Variants in ZNF827 observed in about 807,000 individuals in gnomAD.
ZNF827 encodes zinc finger protein 827.
A neutral mutation model predicts 102.4 loss-of-function variants in ZNF827; 13 were observed. The observed-to-expected ratio is 0.13, with a 90% CI of 0.08 to 0.20. The LOEUF is 0.20. Among genes scored for constraint, ZNF827 ranks in the 10% least tolerant of loss-of-function variants. The pLI, the probability that ZNF827 is intolerant of heterozygous loss-of-function variation, is 1.00. For synonymous variants in ZNF827, 523 were observed against 536.2 expected (o/e 0.98, Z 0.34); for missense variants, 1,103 against 1,344.4 (o/e 0.82, Z 2.81).
At chr4:145,909,742 C>T (rs1579545238) in intron 1 of ZNF827, among the ~76,000 whole-genome samples, 1 of 152,314 alleles carries the variant, frequency 6.6e-6, no homozygotes, top group East Asian at 1.9e-4. Flanking sequence ...TGATGCTAAG[C>T]ATAAAACACA....
chr4:145,935,698 A>C (rs1167616058), intron 1 of ZNF827, among the ~76,000 whole-genome samples: 1 of 152,180 alleles, frequency 6.6e-6, no homozygotes, highest in Non-Finnish European at 1.5e-5. Context: ...GGATTCAATC[A>C]GACAGCAAAG....
intron 8 of ZNF827, among the ~76,000 whole-genome samples, chr4:145,781,213 A>AAAAG (rs1737985814): frequency 7.8e-6 from 1 of 127,464 alleles, no homozygotes; most frequent in South Asian, 2.4e-4. Flanking sequence ...AAAAAAAAAA[A>AAAAG]AAAAGAAAAA....
chr4:145,798,403 C>G (rs577200659), intron 8 of ZNF827, among the ~76,000 whole-genome samples: 4 of 152,304 alleles, frequency 2.6e-5, no homozygotes, highest in African/African-American at 9.6e-5. Context: ...CAGTGGCTCA[C>G]GCCTATAATC....
intron 8 of ZNF827, among the ~76,000 whole-genome samples, chr4:145,819,105 G>GTT (rs145693693): frequency 4.1e-5 from 6 of 145,488 alleles, no homozygotes; most frequent in Non-Finnish European, 9.1e-5. Context: ...AACAACGTGA[G>GTT]TTTTTTTTTT....
intron 7 of ZNF827, among the ~76,000 whole-genome samples, chr4:145,823,895 G>A (rs538852546): frequency 3.9e-5 from 6 of 152,240 alleles, no homozygotes; most frequent in East Asian, 1.9e-4. Context: ...TGGTTTTCCC[G>A]GTAGAGATGG....
At chr4:145,850,748 G>C (rs1746448526) in intron 5 of ZNF827, among the ~76,000 whole-genome samples, 1 of 152,072 alleles carries the variant, frequency 6.6e-6, no homozygotes, top group Non-Finnish European at 1.5e-5. Flanking sequence ...AGCACACTGG[G>C]AAACAAAAAA....
At chr4:145,848,307 G>A (rs1746180529) in intron 6 of ZNF827, among the ~76,000 whole-genome samples, 1 of 152,172 alleles carries the variant, frequency 6.6e-6, no homozygotes, top group Non-Finnish European at 1.5e-5. Flanking sequence ...TGAGGACCTG[G>A]AGGCCACCAT....
intron 5 of ZNF827, among the ~76,000 whole-genome samples, chr4:145,854,246 C>T (rs1024032076): frequency 9.9e-5 from 15 of 151,854 alleles, no homozygotes; most frequent in African/African-American, 3.4e-4. Flanking sequence ...AAGTTTCCCA[C>T]AGGAAGTGGA....
chr4:145,872,471 A>G (rs1005818203), intron 4 of ZNF827, among the ~76,000 whole-genome samples: 1 of 152,370 alleles, frequency 6.6e-6, no homozygotes, highest in African/African-American at 2.4e-5. Flanking sequence ...TCCAGCCTCC[A>G]GAAGAGAGAA....
At chr4:145,921,470 C>CAAAAAAA (rs35423633) in intron 1 of ZNF827, among the ~76,000 whole-genome samples, 1 of 54,124 alleles carries the variant, frequency 1.8e-5, no homozygotes, top group Non-Finnish European at 3.3e-5. Flanking sequence ...GAGACTCAGG[C>CAAAAAAA]AAAAAAAAAA....
At chr4:145,848,509 C>A (rs1335188753) in intron 6 of ZNF827, among the ~76,000 whole-genome samples, 1 of 152,148 alleles carries the variant, frequency 6.6e-6, no homozygotes, top group Non-Finnish European at 1.5e-5. Flanking sequence ...TAGTAACAGG[C>A]TTTATTGATG....
At chr4:145,858,094 T>A (rs1470252603) in intron 5 of ZNF827, among the ~76,000 whole-genome samples, 1 of 151,830 alleles carries the variant, frequency 6.6e-6, no homozygotes, top group Non-Finnish European at 1.5e-5. Flanking sequence ...CCTTTATATA[T>A]CCTTCCATGA....
In ZNF827 at chr4:145,765,161, G is replaced by C; in HGVS notation, c.3057C>G (p.Phe1019Leu). The C allele has an allele frequency of 6.2e-7, 1 of 1,606,234 alleles. No homozygotes were observed. The highest frequency in any genetic ancestry group is 8.5e-7 in the Non-Finnish European group (1 of 1,176,048). Residue 1019 changes from phenylalanine to leucine, a missense_variant, in exon 13 of 15, where the codon TTC (phenylalanine) becomes TTG (leucine). Physicochemically the swap from Phe to Leu is conservative, Grantham distance 22 (BLOSUM62 0). Transcript: ENST00000508784. This position sits in a 1 kb window ranked among gnomAD's most constrained non-coding sequence, Gnocchi z 4.7. ...AGACAAAGTTGCAAAAAACACATTC[G>C]AACCCTGCAAGGACCGAAGCTGGGT... is the stretch of plus-strand genomic sequence containing the variant. Reference protein sequence around the residue: ...LNSEEKPEKGFECVFCNFVCK... With the variant: ...LNSEEKPEKGLECVFCNFVCK...
At chr4:145,874,467 A>G (rs1388917755) in intron 4 of ZNF827, among the ~76,000 whole-genome samples, 1 of 152,222 alleles carries the variant, frequency 6.6e-6, no homozygotes, top group Non-Finnish European at 1.5e-5. Context: ...TGCTTTTTTC[A>G]ATGACCAAAA....
chr4:145,833,588 G>A (rs915009404), intron 7 of ZNF827, among the ~76,000 whole-genome samples: 8 of 151,898 alleles, frequency 5.3e-5, no homozygotes, highest in African/African-American at 1.9e-4. Context: ...CACCCTTAGC[G>A]GCAAGTCCCG....
intron 1 of ZNF827, among the ~76,000 whole-genome samples, chr4:145,920,617 C>G (rs1156532641): frequency 1.3e-5 from 2 of 152,214 alleles, no homozygotes; most frequent in East Asian, 3.8e-4. Context: ...ATCGTTTTCT[C>G]ATTTTTGAAA....
rs1734366611 is a variant in ZNF827 at position 145,760,749 on chromosome 4, CTCTGTTTTTG to C, written c.*857_*866del. On this transcript the variant is annotated 3_prime_UTR_variant, in exon 15 of 15. Coordinates refer to ENST00000508784, the MANE Select transcript of ZNF827 (RefSeq NM_001306215.2). ...TTTTTTTTTTTTTTGTCTTTTGTCT[CTCTGTTTTTG>C]GTACAGAACATGGCTGCCCTCAGAC... 1.4e-6 allele frequency: 1 copy of C among 695,442 alleles called. No individual in the cohort carries two copies. Among genetic ancestry groups the C allele is most frequent in the African/African-American group, 2.2e-5 (1 of 45,748 alleles). The allele number at this position is 695,442 out of a possible 1,614,324, so 43.1% of individuals were successfully genotyped here. A position where few individuals can be genotyped will look rare whatever the true frequency, so the allele number is the denominator to read the frequency against.
At chr4:145,882,836 T>C (rs1455005467) in intron 4 of ZNF827, among the ~76,000 whole-genome samples, 8 of 151,950 alleles carry the variant, frequency 5.3e-5, no homozygotes, top group Non-Finnish European at 1.0e-4. Flanking sequence ...AGGGAAAAAA[T>C]TCAGTGCAAG....
chr4:145,864,702 G>T (rs762211641), intron 5 of ZNF827, among the ~76,000 whole-genome samples: 4 of 152,068 alleles, frequency 2.6e-5, no homozygotes, highest in Admixed American at 6.6e-5. Flanking sequence ...TGAATTTTTT[G>T]ATTTTTGGAC....
Sources: allele counts gnomAD v4.1 joint callset (sites outside exome capture counted in the v4.1 genomes callset), GRCh38; gene constraint gnomAD v4.1.1; non-coding constraint Gnocchi (gnomAD v3.1); transcripts MANE v1.5; gene names NCBI Gene and HGNC (gene_info 2026-07-23, HGNC 2026-07-21).